The following ARHGEF9 variants were observed in gnomAD, a reference collection of about 807,000 sequenced individuals.
ARHGEF9 encodes the protein Cdc42 guanine nucleotide exchange factor 9.
In ARHGEF9, 2 loss-of-function variants were observed where a neutral mutation model predicts 41.3. That is an observed-to-expected ratio of 0.05 (90% confidence interval 0.02 to 0.15). The LOEUF (loss-of-function observed/expected upper bound fraction) is 0.15, where lower values mean the gene tolerates loss of function less well. Among genes scored for constraint, ARHGEF9 ranks in the 10% least tolerant of loss-of-function variants. The pLI is 1.00. For synonymous variants in ARHGEF9, 160 were observed against 154.4 expected (o/e 1.04, Z -0.27); for missense variants, 225 against 424.7 (o/e 0.53, Z 4.13).
intron 8 of ARHGEF9, among the ~76,000 whole-genome samples, chrX:63,651,032 A>G (rs2048513202): frequency 9.0e-6 from 1 of 111,219 alleles, no homozygotes; most frequent in Non-Finnish European, 1.9e-5. Flanking sequence ...TACAGAATCT[A>G]AAGAAAACTC....
chrX:63,767,679 G>C (rs782238972), intron 1 of ARHGEF9, among the ~76,000 whole-genome samples: 1 of 112,270 alleles, frequency 8.9e-6, no homozygotes. Flanking sequence ...ACAGTGCCTG[G>C]CACAAAATAA....
At chrX:63,779,238 C>A (rs1280228843) in intron 1 of ARHGEF9, among the ~76,000 whole-genome samples, 3 of 111,816 alleles carry the variant, frequency 2.7e-5, no homozygotes, top group Non-Finnish European at 5.6e-5. Flanking sequence ...TCTACTGGTA[C>A]CAATTTACTG....
chrX:63,652,330 G>C (rs1226069446), intron 8 of ARHGEF9, among the ~76,000 whole-genome samples: 16 of 111,618 alleles, frequency 1.4e-4, no homozygotes, highest in Admixed American at 8.6e-4. Flanking sequence ...GCGGCTGGTT[G>C]CTTCTTTACT....
In ARHGEF9 at chrX:63,645,223, T is replaced by A. The variant is rs551655661; in HGVS notation, c.1322-1175A>T. Among the ~76,000 whole-genome samples, 7 of 109,143 alleles carry A rather than the reference T, an allele frequency of 6.4e-5. No homozygotes were observed. The South Asian group carries it at 2.7e-3, about 42-fold the overall frequency. The allele number at this position is 109,143 out of a possible 115,157, so 94.8% of individuals were successfully genotyped here. ...AAAGGAAAATATACTCTAAAATGAT[T>A]TTTTTTTCACTTTTTTTAATATACT... is the stretch of plus-strand genomic sequence containing the variant. On this transcript the variant is annotated intron_variant, in intron 8 of 9. Coordinates refer to ENST00000671741, the MANE Select transcript of ARHGEF9 (RefSeq NM_001353921.2).
intron 1 of ARHGEF9, among the ~76,000 whole-genome samples, chrX:63,777,981 G>A (rs782538041): frequency 1.8e-5 from 2 of 112,539 alleles, no homozygotes; most frequent in South Asian, 7.4e-4. Context: ...GGTGTCCGGA[G>A]GACAGTGGCC....
chrX:63,701,275 G>A (rs782335974), intron 3 of ARHGEF9, among the ~76,000 whole-genome samples: 3 of 111,076 alleles, frequency 2.7e-5, no homozygotes, highest in Admixed American at 9.6e-5. Context: ...TTAGACCTCA[G>A]TGTCTCTGTC....
chrX:63,724,794 A>C, intron 1 of ARHGEF9, 83 bp from the exon 2 acceptor site: 1 of 954,179 alleles, frequency 1.0e-6, no homozygotes, highest in Non-Finnish European at 1.5e-6. Context: ...TCTACTACTT[A>C]CAGAGAAACT....
chrX:63,773,220 A>G (rs1556455969), intron 1 of ARHGEF9, among the ~76,000 whole-genome samples: 1 of 112,394 alleles, frequency 8.9e-6, no homozygotes, highest in African/African-American at 3.2e-5. Flanking sequence ...TGATATCTTA[A>G]GAAGAAGCTC....
chrX:63,664,140 A>T (rs1479473944), intron 7 of ARHGEF9, among the ~76,000 whole-genome samples: 1 of 112,274 alleles, frequency 8.9e-6, no homozygotes, highest in African/African-American at 3.2e-5. Flanking sequence ...CCCTGGCTTG[A>T]CTTCTAGTTT....
At chrX:63,708,718 A>G (rs782656792) in intron 2 of ARHGEF9, among the ~76,000 whole-genome samples, 1 of 112,182 alleles carries the variant, frequency 8.9e-6, no homozygotes, top group African/African-American at 3.2e-5. Flanking sequence ...ATCCCAAAGA[A>G]CTACTAACAG....
rs189276922 is a variant in ARHGEF9, at chrX:63,691,030, T to C, written c.582+6095A>G. On this transcript the variant is annotated intron_variant, in intron 4 of 9. Coordinates refer to ENST00000671741, the MANE Select transcript of ARHGEF9 (RefSeq NM_001353921.2). Reference sequence around the variant, plus strand: ...CACAAACCCACAGCTATCATCATACTGAACAGGAAAAAAATCAAAAGCCTT... The same window carrying C: ...CACAAACCCACAGCTATCATCATACCGAACAGGAAAAAAATCAAAAGCCTT... Among the ~76,000 whole-genome samples, 8 of 111,381 alleles carry C rather than the reference T, an allele frequency of 7.2e-5. No homozygotes were observed. The East Asian group carries it at 1.7e-3, about 24-fold the overall frequency.
At chrX:63,751,260 G>A (rs782259275) in intron 1 of ARHGEF9, among the ~76,000 whole-genome samples, 2 of 110,982 alleles carry the variant, frequency 1.8e-5, no homozygotes, top group African/African-American at 3.3e-5. Context: ...CAGTGGGGAG[G>A]TGGGAGGAGG....
At chrX:63,747,153 C>G (rs1340999564) in intron 1 of ARHGEF9, among the ~76,000 whole-genome samples, 3 of 112,054 alleles carry the variant, frequency 2.7e-5, no homozygotes, top group African/African-American at 9.8e-5. Flanking sequence ...ATTGTTGGAG[C>G]TAGAAGAAAT....
intron 8 of ARHGEF9, among the ~76,000 whole-genome samples, chrX:63,654,016 T>G (rs1556332774): frequency 9.2e-6 from 1 of 109,072 alleles, no homozygotes; most frequent in Admixed American, 9.8e-5. Flanking sequence ...ATTAGACACA[T>G]AAAAAAGGCT....
chrX:63,644,702 T>G (rs2147147575), intron 8 of ARHGEF9, among the ~76,000 whole-genome samples: 1 of 109,503 alleles, frequency 9.1e-6, no homozygotes, highest in East Asian at 2.9e-4. Context: ...ACAGACATCA[T>G]AATATTACTA....
At position 63,706,251 on chromosome X, in the gene ARHGEF9, T is replaced by C. The variant is rs373304318; in HGVS notation, c.402+7A>G. ...GGAAGTGCCTCCACATGAACCACCA[T>C]GGTTACCTCACAAATATCCTTGAGG... is the stretch of plus-strand genomic sequence containing the variant. On this transcript the variant is annotated splice_region_variant and intron_variant, in intron 3 of 9. Coordinates refer to ENST00000671741, the MANE Select transcript of ARHGEF9 (RefSeq NM_001353921.2). 1.7e-6 allele frequency: 2 copies of C among 1,194,622 alleles called. No individual in the cohort carries two copies. Among genetic ancestry groups the C allele is most frequent in the African/African-American group, 3.5e-5 (2 of 57,341 alleles).
chrX:63,776,339 C>T (rs1556458465), intron 1 of ARHGEF9, among the ~76,000 whole-genome samples: 3 of 111,096 alleles, frequency 2.7e-5, no homozygotes, highest in Non-Finnish European at 1.9e-5. Context: ...TGGTCTCTGT[C>T]ACAACTATTC....
At chrX:63,644,416 T>G (rs1485759470) in intron 8 of ARHGEF9, 1 of 123,814 alleles carries the variant, frequency 8.1e-6, no homozygotes, top group Non-Finnish European at 1.6e-5. Flanking sequence ...AGGCAAAAGA[T>G]AATTCAAACA....
At chrX:63,758,700 C>T (rs1227860236) in intron 1 of ARHGEF9, among the ~76,000 whole-genome samples, 1 of 112,333 alleles carries the variant, frequency 8.9e-6, no homozygotes, top group Non-Finnish European at 1.9e-5. Context: ...AGCTGAGGTG[C>T]CACCACCTCC....
Sources: allele counts gnomAD v4.1 joint callset (sites outside exome capture counted in the v4.1 genomes callset), GRCh38; gene constraint gnomAD v4.1.1; transcripts MANE v1.5; gene names NCBI Gene and HGNC (gene_info 2026-07-23, HGNC 2026-07-21).